Variants in FAM13B observed in about 807,000 individuals in gnomAD.
FAM13B encodes the protein protein FAM13B.
In FAM13B, 60 loss-of-function variants were observed where a neutral mutation model predicts 117.3. The observed-to-expected ratio is 0.51, with a 90% CI of 0.42 to 0.63. The LOEUF is 0.63. Ranked by LOEUF, FAM13B falls within the 30% of genes least tolerant of loss-of-function variation. The pLI, the probability that FAM13B is intolerant of heterozygous loss-of-function variation, is 0.00. For synonymous variants in FAM13B, 332 were observed against 356.1 expected, an observed-to-expected ratio of 0.93 and a Z score of 0.76; for missense variants, 972 against 1,091.9, an observed-to-expected ratio of 0.89 and a Z score of 1.55.
chr5:138,003,582 A>G (rs144979541), intron 7 of FAM13B, among the ~76,000 whole-genome samples: 4 of 152,270 alleles, frequency 2.6e-5, no homozygotes, highest in Non-Finnish European at 4.4e-5. Context: ...CCCTACCCCA[A>G]CATTTTGGTA....
intron 1 of FAM13B, among the ~76,000 whole-genome samples, chr5:138,026,196 A>G (rs1340246158): frequency 2.0e-5 from 3 of 152,226 alleles, no homozygotes; most frequent in Non-Finnish European, 4.4e-5. Context: ...AAACTGAAAC[A>G]CAGAACTTTT....
Position 138,021,071 on chromosome 5 carries a change from G to A in FAM13B, c.-76C>T. Reference sequence around the variant, plus strand: ...TACCTAAGTTTAAAAAATGGCTTCTGCACCAGCTACCCTCACTGAGCAAGC... The same window carrying A: ...TACCTAAGTTTAAAAAATGGCTTCTACACCAGCTACCCTCACTGAGCAAGC... On this transcript the variant is annotated 5_prime_UTR_variant, in exon 2 of 24. Coordinates refer to ENST00000689681, the MANE Select transcript of FAM13B (RefSeq NM_001385994.1). 1 of 1,231,618 alleles carries A rather than the reference G, an allele frequency of 8.1e-7. No homozygotes were observed. Among genetic ancestry groups the A allele is most frequent in the Non-Finnish European group, 1.0e-6 (1 of 987,932 alleles). The allele number at this position is 1,231,618 out of a possible 1,614,324, so 76.3% of individuals were successfully genotyped here.
chr5:137,945,015 G>A (rs572337149), intron 20 of FAM13B, among the ~76,000 whole-genome samples: 27 of 151,984 alleles, frequency 1.8e-4, no homozygotes, highest in Non-Finnish European at 3.2e-4. Flanking sequence ...GTACCTAGGT[G>A]ACAGGATTAT....
At position 137,945,934 on chromosome 5, in the gene FAM13B, T is replaced by C. The variant is rs1267560677; in HGVS notation, c.2308A>G (p.Met770Val). ...GGAGTGATGCTAGCTCTTGTCAGCA[T>C]TTGTTTTACAAGCCTGTATCTATCA... is the stretch of plus-strand genomic sequence containing the variant. ...LYDRYRLVKQ[M>V]LTRASITPVL... is the part of the protein sequence containing the mutation. The change falls in exon 20 of 24, where the codon ATG (methionine) becomes GTG (valine). Residue 770 changes from methionine (M) to valine (V), a missense_variant. Transcript: ENST00000689681. 1.9e-6 allele frequency: 3 copies of C among 1,613,462 alleles called. No homozygotes were observed. The Admixed American group carries it at 5.0e-5, about 27-fold the overall frequency.
chr5:138,026,036 A>C (rs1788262380), intron 1 of FAM13B, among the ~76,000 whole-genome samples: 1 of 152,218 alleles, frequency 6.6e-6, no homozygotes, highest in African/African-American at 2.4e-5. Context: ...CAATATCAAT[A>C]CTATAGATAA....
At chr5:138,044,861 T>G (rs1168249442) in intron 1 of FAM13B, among the ~76,000 whole-genome samples, 2 of 152,180 alleles carry the variant, frequency 1.3e-5, no homozygotes, top group Non-Finnish European at 2.9e-5. Context: ...GAAATCCAAA[T>G]GGCCAACACA....
At chr5:138,024,889 G>C (rs1352187117) in intron 1 of FAM13B, among the ~76,000 whole-genome samples, 1 of 73,050 alleles carries the variant, frequency 1.4e-5, no homozygotes, top group East Asian at 1.1e-3. Context: ...TTTTTTTTTT[G>C]AGACAGAGTC....
In FAM13B at chr5:137,959,585, T is replaced by A. The variant is rs373706297; in HGVS notation, c.1441+31A>T. ...GTAATTTCGGTTACAAGTAACATTA[T>A]CAGGAAAATAATGCGTGTGGGTAAA... On this transcript the variant is annotated intron_variant, in intron 13 of 23. Coordinates refer to ENST00000689681, the MANE Select transcript of FAM13B (RefSeq NM_001385994.1). 3.3e-5 allele frequency: 53 copies of A among 1,611,892 alleles called. No homozygotes were observed. In the African/African-American group the frequency reaches 6.8e-4, roughly 21 times the overall value.
intron 8 of FAM13B, among the ~76,000 whole-genome samples, chr5:137,987,885 T>C (rs1777623698): frequency 6.6e-6 from 1 of 152,190 alleles, no homozygotes. Flanking sequence ...TATAATTCAC[T>C]CCTCACTACA....
chr5:138,012,264 T>C (rs1307177230), intron 4 of FAM13B, among the ~76,000 whole-genome samples: 1 of 144,374 alleles, frequency 6.9e-6, no homozygotes, highest in Non-Finnish European at 1.5e-5. Context: ...GTCTCCAGCA[T>C]GACTGTACCT....
chr5:138,020,452 G>C (rs1167130017), intron 2 of FAM13B, among the ~76,000 whole-genome samples: 4 of 152,228 alleles, frequency 2.6e-5, no homozygotes, highest in African/African-American at 9.6e-5. Flanking sequence ...TGTAGGAATT[G>C]TGATCAGTAA....
chr5:137,957,868 A>G (rs1350634746), intron 13 of FAM13B, among the ~76,000 whole-genome samples: 1 of 152,198 alleles, frequency 6.6e-6, no homozygotes, highest in East Asian at 1.9e-4. Context: ...CTGGATTCTG[A>G]CATGGAAAAA....
intron 1 of FAM13B, among the ~76,000 whole-genome samples, chr5:138,050,376 G>A (rs1311057775): frequency 6.6e-6 from 1 of 152,146 alleles, no homozygotes; most frequent in Non-Finnish European, 1.5e-5. Flanking sequence ...GGCGGAGGTT[G>A]CAGCAAGCTG....
chr5:138,020,922 G>T, intron 2 of FAM13B, 109 bp downstream of exon 2: 2 of 635,010 alleles, frequency 3.1e-6, no homozygotes, highest in Non-Finnish European at 4.5e-6. Flanking sequence ...TCTGGTGCCA[G>T]CTAAGAACTA....
chr5:137,997,340 G>A (rs1407034238), intron 7 of FAM13B, among the ~76,000 whole-genome samples: 1 of 152,032 alleles, frequency 6.6e-6, no homozygotes, highest in Non-Finnish European at 1.5e-5. Context: ...CTGGTGGCAG[G>A]CACCTGTAAT....
chr5:138,051,014 A>G (rs1791783847), intron 1 of FAM13B, among the ~76,000 whole-genome samples: 1 of 151,994 alleles, frequency 6.6e-6, no homozygotes, highest in African/African-American at 2.4e-5. Flanking sequence ...CATATGTAGC[A>G]TATTAGTGGG....
chr5:137,997,420 G>T (rs1780142856), intron 7 of FAM13B, among the ~76,000 whole-genome samples: 2 of 151,956 alleles, frequency 1.3e-5, no homozygotes, highest in Non-Finnish European at 2.9e-5. Context: ...GGTGAGCTGA[G>T]ATCGTGCCAT....
At chr5:137,961,562 A>C (rs931029832) in intron 11 of FAM13B, among the ~76,000 whole-genome samples, 7 of 152,208 alleles carry the variant, frequency 4.6e-5, no homozygotes, top group Non-Finnish European at 7.4e-5. Context: ...GGCTCCAGAG[A>C]CGTGGCTCCA....
Position 137,943,193 on chromosome 5 carries a change from C to A in FAM13B, c.2364G>T (p.Arg788Ser). 1 of 1,613,904 alleles carries A rather than the reference C, an allele frequency of 6.2e-7. No homozygotes were observed. Among genetic ancestry groups the A allele is most frequent in the Non-Finnish European group, 8.5e-7 (1 of 1,179,916 alleles). ...CTATGATTGGCTGTAACATCTGACC[C>A]CTTCGCTTGGTGGATGGAGATCCCT... ...PVLGSPSTKR[R>S]GQMLQPIIEG... Residue 788 changes from arginine to serine, a missense_variant, in exon 21 of 24, where the codon AGG (arginine) becomes AGT (serine). Physicochemically the swap from Arg to Ser is moderately radical, Grantham distance 110. Transcript: ENST00000689681.
Sources: allele counts gnomAD v4.1 joint callset (sites outside exome capture counted in the v4.1 genomes callset), GRCh38; gene constraint gnomAD v4.1.1; transcripts MANE v1.5; gene names NCBI Gene and HGNC (gene_info 2026-07-23, HGNC 2026-07-21).